Variants in GLI3 observed in about 807,000 individuals in gnomAD.
GLI3 encodes the protein GLI family zinc finger 3.
A neutral mutation model predicts 100.8 loss-of-function variants in GLI3; 20 were observed. The ratio of observed to expected loss-of-function variants is 0.20; its 90% CI spans 0.14 to 0.29. The LOEUF is 0.29. Among genes scored for constraint, GLI3 ranks in the 10% least tolerant of loss-of-function variants. The pLI is 1.00. For missense variants in GLI3, 2,040 were observed against 2,128.5 expected (o/e 0.96, Z 0.82); for synonymous variants, 938 against 860.5 (o/e 1.09, Z -1.58).
intron 10 of GLI3, among the ~76,000 whole-genome samples, chr7:41,998,155 T>C (rs1256653131): frequency 6.6e-6 from 1 of 152,166 alleles, no homozygotes; most frequent in Non-Finnish European, 1.5e-5. Flanking sequence ...ATGGAAATGG[T>C]CACTAGGGAC....
At chr7:42,128,170 G>A (rs1451367086) in intron 3 of GLI3, among the ~76,000 whole-genome samples, 1 of 152,118 alleles carries the variant, frequency 6.6e-6, no homozygotes, top group Non-Finnish European at 1.5e-5. Flanking sequence ...AAACTTACCT[G>A]AGTAGCCAGT....
chr7:41,984,014 G>A (rs562656042), intron 10 of GLI3, among the ~76,000 whole-genome samples: 5 of 152,248 alleles, frequency 3.3e-5, no homozygotes, highest in Admixed American at 1.3e-4. Flanking sequence ...GGGGCTCCGG[G>A]AGCCCATAGA....
At chr7:42,197,613 C>T (rs1787953583) in intron 2 of GLI3, among the ~76,000 whole-genome samples, 1 of 152,204 alleles carries the variant, frequency 6.6e-6, no homozygotes, top group Non-Finnish European at 1.5e-5. Context: ...GGAGCCCTTA[C>T]TCAGTACAGA....
rs79759134 is a variant in GLI3, at chr7:41,969,704, A to G, written c.2104-1781T>C. Among the ~76,000 whole-genome samples, 540 of 152,264 alleles carry G rather than the reference A, an allele frequency of 3.5e-3. 5 individuals carry two copies. The highest frequency in any genetic ancestry group is 0.012 in the African/African-American group (508 of 41,564). ...GACATGAACTTGTGCATTTGTGCAAACACACAGGCAGACACACTTCATATA... is the reference window on the plus strand; with the variant it reads ...GACATGAACTTGTGCATTTGTGCAAGCACACAGGCAGACACACTTCATATA... On this transcript the variant is annotated intron_variant, in intron 13 of 14. Coordinates refer to ENST00000395925, the MANE Select transcript of GLI3 (RefSeq NM_000168.6).
intron 10 of GLI3, among the ~76,000 whole-genome samples, chr7:42,014,675 C>T (rs1050208306): frequency 1.3e-5 from 2 of 152,290 alleles, no homozygotes; most frequent in Non-Finnish European, 2.9e-5. Flanking sequence ...TTCCCACTGT[C>T]CTGCTTGTAC....
chr7:42,021,669 T>C (rs1489496263), intron 10 of GLI3, among the ~76,000 whole-genome samples: 3 of 152,252 alleles, frequency 2.0e-5, no homozygotes, highest in African/African-American at 7.2e-5. Context: ...TCATTCCTGA[T>C]TTGGTAATGA....
intron 10 of GLI3, among the ~76,000 whole-genome samples, chr7:42,011,164 G>A (rs1448794310): frequency 1.3e-5 from 2 of 152,182 alleles, no homozygotes; most frequent in Non-Finnish European, 2.9e-5. Context: ...GTTATTTGCT[G>A]GGTAATGCCT....
At chr7:42,249,890 T>C (rs753574201) in intron 1 of GLI3, among the ~76,000 whole-genome samples, 14 of 151,920 alleles carry the variant, frequency 9.2e-5, no homozygotes, top group Non-Finnish European at 1.9e-4. Flanking sequence ...ACGCCAGGAG[T>C]TTGAGATCAC....
intron 7 of GLI3, among the ~76,000 whole-genome samples, chr7:42,038,261 T>C (rs1169675010): frequency 6.6e-6 from 1 of 152,206 alleles, no homozygotes; most frequent in Non-Finnish European, 1.5e-5. Flanking sequence ...CAGACTGGGA[T>C]GGAGAGCAGT....
chr7:41,964,803 C>G lies in GLI3; in HGVS notation c.4270G>C (p.Glu1424Gln). ...AGCGGATGGGGCTGCCCTTTCATCT[C>G]CATCTTGATACCATTCACCCTGCAG... is the stretch of plus-strand genomic sequence containing the variant. ...QTCRVNGIKM[E>Q]MKGQPHPLCS... Residue 1424 changes from glutamate (E) to glutamine (Q), a missense_variant, in exon 15 of 15, where the codon GAG becomes CAG. Glu to Gln is a conservative substitution (Grantham distance 29, BLOSUM62 2). Around this residue, in one of 5 missense-constraint regions of GLI3, gnomAD observed 1,041 missense variants for 924.0 expected, o/e 1.13. Transcript: ENST00000395925. The G allele has an allele frequency of 6.2e-7, 1 of 1,614,040 alleles. No individual in the cohort carries two copies. The highest frequency in any genetic ancestry group is 8.5e-7 in the Non-Finnish European group (1 of 1,180,012).
chr7:42,064,448 C>A (rs1784633994), intron 4 of GLI3, among the ~76,000 whole-genome samples: 1 of 152,150 alleles, frequency 6.6e-6, no homozygotes, highest in African/African-American at 2.4e-5. Flanking sequence ...GAGAATGGAA[C>A]CTCACTGAGG....
At chr7:42,078,620 G>A (rs964198962) in intron 3 of GLI3, among the ~76,000 whole-genome samples, 2 of 151,988 alleles carry the variant, frequency 1.3e-5, no homozygotes, top group Admixed American at 6.6e-5. Flanking sequence ...GAAAGAGGAA[G>A]GAATCAGTTT....
In GLI3 at chr7:42,040,183, A is replaced by G. The variant is rs756495369; in HGVS notation, c.883T>C (p.Ser295Pro). Residue 295 changes from serine (S) to proline (P), a missense_variant, in exon 7 of 15, where the codon TCC becomes CCC. This residue lies in a region of GLI3 where 603 missense variants were observed against 690.9 expected (regional missense o/e 0.87). Coordinates refer to ENST00000395925, the MANE Select transcript of GLI3 (RefSeq NM_000168.6). ...CTATGATCGGAGAGTGGTGATATGG[A>G]CAGTGTACGTTTTCGGCTCGGCCTG... ...SARPSRKRTL[S>P]ISPLSDHSFD... is the part of the protein sequence containing the mutation. The G allele has an allele frequency of 6.2e-7, 1 of 1,613,934 alleles. No individual in the cohort carries two copies. Among genetic ancestry groups the G allele is most frequent in the South Asian group, 1.1e-5 (1 of 91,082 alleles).
chr7:42,132,395 C>G (rs1011122802), intron 3 of GLI3, among the ~76,000 whole-genome samples: 2 of 152,128 alleles, frequency 1.3e-5, no homozygotes, highest in Admixed American at 6.5e-5. Flanking sequence ...CCACCGCGCC[C>G]GGCCGGCTTC....
At chr7:42,137,385 T>C (rs1055774918) in intron 3 of GLI3, among the ~76,000 whole-genome samples, 6 of 152,114 alleles carry the variant, frequency 3.9e-5, no homozygotes, top group African/African-American at 7.2e-5. Flanking sequence ...ACAAGGTCCC[T>C]CAATCTCATC....
intron 2 of GLI3, among the ~76,000 whole-genome samples, chr7:42,203,348 A>T (rs1041091820): frequency 6.6e-6 from 1 of 152,044 alleles, no homozygotes; most frequent in Non-Finnish European, 1.5e-5. Flanking sequence ...CCTCCTACCT[A>T]ACTGTAATTT....
In GLI3 at chr7:41,965,731, G is replaced by T. The variant is rs1416110645; in HGVS notation, c.3342C>A (p.Ser1114Arg). 2.5e-6 allele frequency: 4 copies of T among 1,613,632 alleles called. No individual in the cohort carries two copies. Among genetic ancestry groups the T allele is most frequent in the Admixed American group, 1.7e-5 (1 of 60,028 alleles). ...NQAGYEQHFP[S>R]ALPDDSKVPH... ...GCACTTTGCTGTCGTCCGGGAGGGC[G>T]CTGGGGAAGTGCTGCTCGTACCCTG... is the stretch of plus-strand genomic sequence containing the variant. The change falls in exon 15 of 15, where the codon AGC becomes AGA. Residue 1114 changes from serine to arginine, a missense_variant. Ser to Arg is a moderately radical substitution (Grantham distance 110). This residue lies in a region of GLI3 where 1,041 missense variants were observed against 924.0 expected (regional missense o/e 1.13). Transcript: ENST00000395925.
chr7:42,104,365 C>G (rs1785530217), intron 3 of GLI3, among the ~76,000 whole-genome samples: 1 of 152,218 alleles, frequency 6.6e-6, no homozygotes, highest in African/African-American at 2.4e-5. Context: ...GCCTTGTTCA[C>G]ACATCCGCTC....
At chr7:42,091,294 T>A (rs1217296005) in intron 3 of GLI3, among the ~76,000 whole-genome samples, 1 of 152,232 alleles carries the variant, frequency 6.6e-6, no homozygotes, top group Non-Finnish European at 1.5e-5. Flanking sequence ...ATGGGTACAC[T>A]GGGTGATTGC....
Sources: allele counts gnomAD v4.1 joint callset (sites outside exome capture counted in the v4.1 genomes callset), GRCh38; gene constraint gnomAD v4.1.1; regional missense constraint gnomAD v4.1.1; transcripts MANE v1.5; gene names NCBI Gene and HGNC (gene_info 2026-07-23, HGNC 2026-07-21).